MARK4: variants seen among roughly 807,000 people sequenced by gnomAD.
The protein encoded by MARK4 is microtubule affinity regulating kinase 4.
Under a neutral mutation model 81.5 loss-of-function variants are expected in MARK4, and 19 were observed. The ratio of observed to expected loss-of-function variants is 0.23; its 90% confidence interval spans 0.16 to 0.34. The LOEUF is 0.34. Among genes scored for constraint, MARK4 ranks in the 10% least tolerant of loss-of-function variants. The pLI, the probability that MARK4 is intolerant of heterozygous loss-of-function variation, is 1.00. For synonymous variants in MARK4, 436 were observed against 439.0 expected (o/e 0.99, Z 0.08); for missense variants, 772 against 1,058.8 (o/e 0.73, Z 3.76).
chr19:45,256,975 A>G (rs1970314936), intron 1 of MARK4, among the ~76,000 whole-genome samples: 1 of 151,514 alleles, frequency 6.6e-6, no homozygotes, highest in African/African-American at 2.4e-5. Flanking sequence ...TTTTTTAGAG[A>G]CAGGGTCTTG....
chr19:45,302,431 G>A lies in MARK4; in HGVS notation c.1980G>A (p.Trp660Ter). Residue 660 changes from tryptophan (W) to a stop codon, truncating the protein, a stop_gained, in exon 17 of 17, where the codon TGG (tryptophan) becomes TGA (stop). Transcript: ENST00000262891. LOFTEE classifies it high-confidence loss of function. This position sits in a 1 kb window ranked among gnomAD's most constrained non-coding sequence, Gnocchi z 4.9. ...ETAPRLLRFP[W>*]SVKLTSSRPP... is the part of the protein sequence containing the mutation. ...CCCCCCGGCTGCTCCGATTCCCCTG[G>A]AGTGTGAAGCTGACCAGCTCGCGCC... is the stretch of plus-strand genomic sequence containing the variant. The A allele has an allele frequency of 6.2e-7, 1 of 1,614,052 alleles. No individual in the cohort carries two copies. Among genetic ancestry groups the A allele is most frequent in the Non-Finnish European group, 8.5e-7 (1 of 1,179,974 alleles).
chr19:45,270,236 A>C lies in MARK4; in HGVS notation c.550-1236A>C, dbSNP rs188106369. ...GGTGTCGAGATCACCCTCAGTTTAC[A>C]TACAAGGAAACTGAGGCACAGAGAG... On this transcript the variant is annotated intron_variant, in intron 7 of 16. Coordinates refer to ENST00000262891, the MANE Select transcript of MARK4 (RefSeq NM_001199867.2). Among the ~76,000 whole-genome samples, 249 of 152,266 alleles carry C rather than the reference A, an allele frequency of 1.6e-3. 1 individual carries two copies. Among genetic ancestry groups the C allele is most frequent in the South Asian group, 0.011 (52 of 4,820 alleles).
rs766926544 is a variant in MARK4, at chr19:45,287,472, C to T, written c.1302C>T (p.His434=). ...DFCGPSPAPL[H]PKRSPTSTGE... The stretch of plus-strand genomic sequence containing the variant: ...GTGGCCCATCCCCTGCACCCCTGCA[C>T]CCCAAACGCAGCCCGACGAGCACGG... The change falls in exon 13 of 17, where the codon CAC becomes CAT. Residue 434 remains histidine, a synonymous_variant. Transcript: ENST00000262891. 1 of 1,482,296 alleles carries T rather than the reference C, an allele frequency of 6.7e-7. No individual in the cohort carries two copies. The highest frequency in any genetic ancestry group is 9.0e-7 in the Non-Finnish European group (1 of 1,110,618). The allele number at this position is 1,482,296 out of a possible 1,614,324, so 91.8% of individuals were successfully genotyped here.
Position 45,280,392 on chromosome 19 carries a change from G to A in MARK4, c.1025G>A (p.Gly342Asp). 2 of 1,614,158 alleles carry A rather than the reference G, an allele frequency of 1.2e-6. No individual in the cohort carries two copies. Among genetic ancestry groups the A allele is most frequent in the Non-Finnish European group, 1.7e-6 (2 of 1,180,008 alleles). Reference sequence around the variant, plus strand: ...CTCCCAGAGGTGATGGTGGGTATGGGCTACACACGGGAAGAAATCAAAGAG... The same window carrying A: ...CTCCCAGAGGTGATGGTGGGTATGGACTACACACGGGAAGAAATCAAAGAG... ...TKRIEVMVGM[G>D]YTREEIKESL... Residue 342 changes from glycine (G) to aspartate (D), a missense_variant, in exon 11 of 17, where the codon GGC becomes GAC. Gly to Asp is a moderately conservative substitution (Grantham distance 94, BLOSUM62 -1). Around this residue, in one of 3 missense-constraint regions of MARK4, gnomAD observed 548 missense variants for 624.3 expected, o/e 0.88. Coordinates refer to ENST00000262891, the MANE Select transcript of MARK4 (RefSeq NM_001199867.2).
At chr19:45,299,064 TAAAAAAAAAAAAAAAAAAA>T (rs59720430) in intron 15 of MARK4, among the ~76,000 whole-genome samples, 1 of 84,994 alleles carries the variant, frequency 1.2e-5, no homozygotes, top group Non-Finnish European at 2.0e-5. Context: ...AACCTGTCTC[TAAAAAAAAAAAAAAAAAAA>T]AAAAAAATTG....
rs759785687 is a variant in MARK4 at position 45,280,396 on chromosome 19, C to T, written c.1029C>T (p.Tyr343=). ...CAGAGGTGATGGTGGGTATGGGCTA[C>T]ACACGGGAAGAAATCAAAGAGTCCT... ...KRIEVMVGMG[Y]TREEIKESLT... Residue 343 remains tyrosine (Y), a synonymous_variant, in exon 11 of 17, where the codon TAC becomes TAT. Transcript: ENST00000262891. The T allele has an allele frequency of 3.1e-5, 50 of 1,614,016 alleles. No individual in the cohort carries two copies. Among genetic ancestry groups the T allele is most frequent in the Non-Finnish European group, 4.0e-5 (47 of 1,180,018 alleles).
At chr19:45,287,409 G>A (rs760398240) in intron 12 of MARK4, 38 bp from the exon 13 acceptor site, 6 of 1,347,056 alleles carry the variant, frequency 4.5e-6, no homozygotes, top group Non-Finnish European at 4.9e-6. Context: ...CTGGGTTTCC[G>A]TGGTGATGCC....
At chr19:45,293,677 C>T (rs939790354) in intron 13 of MARK4, among the ~76,000 whole-genome samples, 1 of 152,236 alleles carries the variant, frequency 6.6e-6, no homozygotes, top group Non-Finnish European at 1.5e-5. Context: ...AAAGAGGGCT[C>T]TCTTCCTAAC....
chr19:45,256,522 C>A (rs919657620), intron 1 of MARK4, among the ~76,000 whole-genome samples: 1 of 152,100 alleles, frequency 6.6e-6, no homozygotes, highest in Non-Finnish European at 1.5e-5. Flanking sequence ...TAGGGGCATT[C>A]CACTGGGAAT....
chr19:45,280,765 C>T, intron 12 of MARK4, 31 bp downstream of exon 12: 1 of 1,610,344 alleles, frequency 6.2e-7, no homozygotes, highest in Non-Finnish European at 8.5e-7. Flanking sequence ...CTCACGCACC[C>T]TCCTTCTCCC....
At chr19:45,272,100 G>A (rs1015000052) in intron 8 of MARK4, among the ~76,000 whole-genome samples, 2 of 152,186 alleles carry the variant, frequency 1.3e-5, no homozygotes, top group Non-Finnish European at 2.9e-5. Flanking sequence ...GGGAGGCGGA[G>A]GCGGGAGGCT....
rs35920861 is a variant in MARK4, at chr19:45,277,433, A to ATTT, written c.787-473_787-471dup. The stretch of plus-strand genomic sequence containing the variant: ...CTGAATGAAAAGTTATGTAGCTTAA[A>ATTT]TTTTTTTTTTTTTTTTTTTGTAGAG... On this transcript the variant is annotated intron_variant, in intron 8 of 16. Transcript: ENST00000262891. Among the ~76,000 whole-genome samples the ATTT allele has an allele frequency of 3.1e-3, 411 of 131,860 alleles. 3 individuals are homozygous for ATTT. Among genetic ancestry groups the ATTT allele is most frequent in the African/African-American group, 5.3e-3 (179 of 34,090 alleles). The allele number at this position is 131,860 out of a possible 152,430, so 86.5% of individuals were successfully genotyped here. A position where few individuals can be genotyped will look rare whatever the true frequency, so the allele number is the denominator to read the frequency against.
intron 12 of MARK4, 99 bp downstream of exon 12, chr19:45,280,833 A>C: frequency 6.7e-7 from 1 of 1,496,904 alleles, no homozygotes; most frequent in Non-Finnish European, 9.1e-7. Flanking sequence ...ACAGAAACCC[A>C]CTGGAGCTAA....
chr19:45,260,966 C>T (rs1312160914), intron 2 of MARK4, among the ~76,000 whole-genome samples: 1 of 152,184 alleles, frequency 6.6e-6, no homozygotes, highest in African/African-American at 2.4e-5. Flanking sequence ...TATGAGGTCT[C>T]TAACTCACTT....
At chr19:45,266,179 A>C in intron 6 of MARK4, 46 bp from the exon 7 acceptor site, 1 of 1,599,030 alleles carries the variant, frequency 6.3e-7, no homozygotes. Context: ...AGGGAGGCTG[A>C]GGGTTTTGGG....
At chr19:45,256,443 G>GA (rs1033600127) in intron 1 of MARK4, among the ~76,000 whole-genome samples, 1 of 151,692 alleles carries the variant, frequency 6.6e-6, no homozygotes, top group South Asian at 2.1e-4. Context: ...GTGTCAAAAA[G>GA]AAAAAAAATA....
chr19:45,259,740 A>G (rs1970357003), intron 2 of MARK4, among the ~76,000 whole-genome samples: 1 of 152,084 alleles, frequency 6.6e-6, no homozygotes, highest in South Asian at 2.1e-4. Flanking sequence ...TCACCACTGC[A>G]CTCCAGCCTG....
intron 13 of MARK4, among the ~76,000 whole-genome samples, chr19:45,291,376 G>A (rs980214722): frequency 9.2e-5 from 14 of 152,198 alleles, no homozygotes; most frequent in African/African-American, 3.4e-4. Flanking sequence ...GCCAGGCATG[G>A]TGGCTCATGC....
At chr19:45,297,092 C>G (rs1970897318) in intron 14 of MARK4, among the ~76,000 whole-genome samples, 1 of 151,122 alleles carries the variant, frequency 6.6e-6, no homozygotes, top group Non-Finnish European at 1.5e-5. Context: ...GTGGCACACG[C>G]TTGTAATCCC....
Sources: gnomAD v4.1 joint callset for allele counts (sites outside exome capture counted in the v4.1 genomes callset) on GRCh38, gnomAD v4.1.1 for gene constraint, gnomAD v4.1.1 regional missense constraint, Gnocchi (gnomAD v3.1) non-coding constraint, MANE v1.5 for transcripts, NCBI Gene and HGNC (gene_info 2026-07-23, HGNC 2026-07-21) for gene names.